SH3BGRL: variants seen among roughly 807,000 people sequenced by gnomAD.
The protein encoded by SH3BGRL is SH3 domain binding glutamate rich protein like, also known as adapter SH3BGRL.
In SH3BGRL, 7 loss-of-function variants were observed where a neutral mutation model predicts 9.8. That is an observed-to-expected ratio of 0.72 (90% CI 0.41 to 1.35). SH3BGRL has a LOEUF of 1.35. Among genes scored for constraint, SH3BGRL ranks in the 40% most tolerant of loss-of-function variants. The probability of loss-of-function intolerance (pLI) is 0.01; values close to 1 mark genes in which losing one functional copy is unlikely to be tolerated. For synonymous variants in SH3BGRL, 36 were observed against 29.1 expected (o/e 1.24, Z -0.76); for missense variants, 73 against 84.4 (o/e 0.86, Z 0.53).
chrX:81,271,877 G>T (rs754449564), intron 1 of SH3BGRL, among the ~76,000 whole-genome samples: 1 of 111,329 alleles, frequency 9.0e-6, no homozygotes, highest in African/African-American at 3.3e-5. Flanking sequence ...TCTTGCTGTG[G>T]TTAACCCTGA....
intron 1 of SH3BGRL, among the ~76,000 whole-genome samples, chrX:81,249,578 CT>C (rs1249736421): frequency 1.8e-5 from 2 of 112,059 alleles, no homozygotes; most frequent in Non-Finnish European, 3.8e-5. Context: ...TACAGAATAT[CT>C]TTTATGTCTG....
chrX:81,287,134 A>T (rs1223501323), intron 3 of SH3BGRL, among the ~76,000 whole-genome samples: 2 of 111,330 alleles, frequency 1.8e-5, no homozygotes, highest in Non-Finnish European at 3.8e-5. Flanking sequence ...ACTAGTATTA[A>T]TCCAAAATAC....
chrX:81,281,460 C>A lies in SH3BGRL; in HGVS notation c.312+3049C>A, dbSNP rs149516349. Among the ~76,000 whole-genome samples the A allele has an allele frequency of 6.8e-3, 757 of 112,133 alleles. 7 individuals are homozygous for A. The highest frequency in any genetic ancestry group is 0.023 in the African/African-American group (698 of 30,932). ...TATAAAGGAAAACCTATCAGATTAA[C>A]TGCAGATTTCTCAGCAAAAACCCTA... On this transcript the variant is annotated intron_variant, in intron 3 of 3. Transcript: ENST00000373212.
intron 3 of SH3BGRL, among the ~76,000 whole-genome samples, chrX:81,281,226 T>C (rs2075815836): frequency 9.0e-6 from 1 of 110,919 alleles, no homozygotes; most frequent in East Asian, 2.9e-4. Flanking sequence ...AAGAAGAGAA[T>C]TCTAAAATCT....
intron 1 of SH3BGRL, among the ~76,000 whole-genome samples, chrX:81,258,680 C>G (rs1163812683): frequency 8.9e-6 from 1 of 112,092 alleles, no homozygotes; most frequent in African/African-American, 3.2e-5. Flanking sequence ...CCCTGGAGTT[C>G]AAGTGGAAGA....
intron 1 of SH3BGRL, among the ~76,000 whole-genome samples, chrX:81,205,257 C>T (rs1288262931): frequency 1.8e-5 from 2 of 110,531 alleles, no homozygotes; most frequent in Non-Finnish European, 3.8e-5. Flanking sequence ...TGGTAACCAC[C>T]ATCCATTCTA....
intron 3 of SH3BGRL, among the ~76,000 whole-genome samples, chrX:81,280,863 A>T (rs181094414): frequency 9.0e-6 from 1 of 111,667 alleles, no homozygotes; most frequent in Non-Finnish European, 1.9e-5. Context: ...GTTAGTTATT[A>T]AGCTAATCAG....
chrX:81,216,770 G>C (rs753030762), intron 1 of SH3BGRL, among the ~76,000 whole-genome samples: 51 of 111,467 alleles, frequency 4.6e-4, no homozygotes, highest in African/African-American at 1.6e-3. Context: ...CAAATGAAAG[G>C]ATCTCATTCT....
chrX:81,266,847 G>A (rs2075758750), intron 1 of SH3BGRL, among the ~76,000 whole-genome samples: 1 of 112,131 alleles, frequency 8.9e-6, no homozygotes, highest in South Asian at 3.7e-4. Flanking sequence ...AGCATGGAAT[G>A]TTTTTCGATT....
At chrX:81,240,449 A>G (rs919509353) in intron 1 of SH3BGRL, among the ~76,000 whole-genome samples, 1 of 112,401 alleles carries the variant, frequency 8.9e-6, no homozygotes, top group African/African-American at 3.2e-5. Context: ...TCCCATTTAC[A>G]ATAGCCAGAA....
At chrX:81,222,857 T>C (rs758334917) in intron 1 of SH3BGRL, among the ~76,000 whole-genome samples, 35 of 112,089 alleles carry the variant, frequency 3.1e-4, no homozygotes, top group Non-Finnish European at 5.6e-4. Context: ...TTTTTAATGA[T>C]TGTCATTCCA....
chrX:81,283,772 C>T (rs1050368188), intron 3 of SH3BGRL, among the ~76,000 whole-genome samples: 5 of 110,482 alleles, frequency 4.5e-5, no homozygotes, highest in African/African-American at 9.9e-5. Flanking sequence ...ACATGGATGC[C>T]CACTGTCACC....
At chrX:81,246,317 C>T (rs944600425) in intron 1 of SH3BGRL, among the ~76,000 whole-genome samples, 1 of 111,371 alleles carries the variant, frequency 9.0e-6, no homozygotes, top group Admixed American at 9.5e-5. Flanking sequence ...TCTTTAATTA[C>T]GTCACACTTG....
chrX:81,272,190 G>A (rs1324121993), intron 1 of SH3BGRL, among the ~76,000 whole-genome samples: 2 of 43,285 alleles, frequency 4.6e-5, no homozygotes, highest in Admixed American at 6.3e-4. Context: ...GAGTGAGACT[G>A]CGTCCAAAAA....
chrX:81,276,628 AC>A (rs1293227543), intron 1 of SH3BGRL, among the ~76,000 whole-genome samples: 2 of 111,333 alleles, frequency 1.8e-5, no homozygotes, highest in Non-Finnish European at 3.8e-5. Context: ...AAAGGCTGAA[AC>A]TAAGAGAGGC....
At chrX:81,250,024 CTT>C (rs1177904696) in intron 1 of SH3BGRL, among the ~76,000 whole-genome samples, 2 of 101,753 alleles carry the variant, frequency 2.0e-5, no homozygotes, top group Admixed American at 1.1e-4. Flanking sequence ...AAGGTTTTAA[CTT>C]TTTTTTTTTT....
intron 1 of SH3BGRL, among the ~76,000 whole-genome samples, chrX:81,271,741 G>A (rs2075780470): frequency 9.0e-6 from 1 of 111,299 alleles, no homozygotes; most frequent in Non-Finnish European, 1.9e-5. Flanking sequence ...GGGAAATACA[G>A]AGAACACCAC....
intron 1 of SH3BGRL, among the ~76,000 whole-genome samples, chrX:81,259,315 A>G (rs1383981148): frequency 8.9e-6 from 1 of 112,116 alleles, no homozygotes; most frequent in Non-Finnish European, 1.9e-5. Flanking sequence ...TGCATAGAGA[A>G]GGTGGTGAGT....
intron 1 of SH3BGRL, among the ~76,000 whole-genome samples, chrX:81,222,472 T>G (rs1454382185): frequency 9.1e-6 from 1 of 109,891 alleles, no homozygotes; most frequent in Non-Finnish European, 1.9e-5. Context: ...GGTTTCCAGT[T>G]TCATCCATGT....
Sources: allele counts gnomAD v4.1 joint callset (sites outside exome capture counted in the v4.1 genomes callset), GRCh38; gene constraint gnomAD v4.1.1; transcripts MANE v1.5; gene names NCBI Gene and HGNC (gene_info 2026-07-23, HGNC 2026-07-21).